Variants in ARSJ observed in about 807,000 individuals in gnomAD.
The protein encoded by ARSJ is arylsulfatase family member J, also known as arylsulfatase J.
ARSJ carries 26 observed loss-of-function variants against 35.9 expected under a neutral mutation model. The ratio of observed to expected loss-of-function variants is 0.72; its 90% CI spans 0.53 to 1.00. ARSJ has a LOEUF of 1.00. Among genes scored for constraint, ARSJ ranks in the 50% least tolerant of loss-of-function variants. The pLI is 0.00. For synonymous variants in ARSJ, 294 were observed against 267.6 expected, an observed-to-expected ratio of 1.10 and a Z score of -0.96; for missense variants, 667 against 723.6, an observed-to-expected ratio of 0.92 and a Z score of 0.90.
intron 1 of ARSJ, among the ~76,000 whole-genome samples, chr4:113,915,378 G>A (rs1184827591): frequency 6.6e-6 from 1 of 152,094 alleles, no homozygotes; most frequent in Non-Finnish European, 1.5e-5. Context: ...ATATTCTGAA[G>A]TGAACTTTAT....
At chr4:113,971,843 A>T (rs1727267790) in intron 1 of ARSJ, among the ~76,000 whole-genome samples, 2 of 152,220 alleles carry the variant, frequency 1.3e-5, no homozygotes, top group South Asian at 4.1e-4. Flanking sequence ...AAAGAAGTGG[A>T]TGGAAGAGGA....
chr4:113,950,284 C>T (rs1054929163), intron 1 of ARSJ, among the ~76,000 whole-genome samples: 5 of 152,068 alleles, frequency 3.3e-5, no homozygotes, highest in Non-Finnish European at 7.4e-5. Flanking sequence ...TAGTCCTATT[C>T]TAACCCTCCC....
At chr4:113,959,792 G>C (rs1243061317) in intron 1 of ARSJ, among the ~76,000 whole-genome samples, 2 of 151,980 alleles carry the variant, frequency 1.3e-5, no homozygotes, top group Non-Finnish European at 2.9e-5. Flanking sequence ...ATGGAATTTG[G>C]TTTCTGAAAA....
intron 1 of ARSJ, among the ~76,000 whole-genome samples, chr4:113,935,020 C>T (rs888255941): frequency 6.6e-6 from 1 of 151,702 alleles, no homozygotes; most frequent in Non-Finnish European, 1.5e-5. Flanking sequence ...CCGATTTAGC[C>T]TAAAGTATAT....
chr4:113,915,156 C>T (rs7664471), intron 1 of ARSJ, among the ~76,000 whole-genome samples: 107,448 of 151,950 alleles, frequency 0.71, 38,805 homozygotes, highest in East Asian at 0.81. Context: ...TATTAGATAT[C>T]TTTCCCTAAA....
intron 1 of ARSJ, among the ~76,000 whole-genome samples, chr4:113,926,366 A>G (rs184628650): frequency 1.3e-5 from 2 of 152,246 alleles, no homozygotes; most frequent in Non-Finnish European, 2.9e-5. Context: ...ATTTCTGCCC[A>G]CTGGAAGATT....
chr4:113,929,070 C>T (rs1401214488), intron 1 of ARSJ, among the ~76,000 whole-genome samples: 1 of 152,054 alleles, frequency 6.6e-6, no homozygotes, highest in African/African-American at 2.4e-5. Context: ...CTTAGTGGGC[C>T]CAAATCAAGA....
intron 1 of ARSJ, among the ~76,000 whole-genome samples, chr4:113,929,348 C>G (rs1192207315): frequency 6.6e-6 from 1 of 152,076 alleles, no homozygotes; most frequent in Non-Finnish European, 1.5e-5. Flanking sequence ...GCAACTGCCT[C>G]AGGGGAGGCC....
At chr4:113,906,259 A>G (rs1033937382) in intron 1 of ARSJ, among the ~76,000 whole-genome samples, 1 of 152,188 alleles carries the variant, frequency 6.6e-6, no homozygotes, top group Non-Finnish European at 1.5e-5. Context: ...CAAATGGTAA[A>G]CCAGTTAAGC....
intron 1 of ARSJ, among the ~76,000 whole-genome samples, chr4:113,973,026 C>A (rs917859093): frequency 1.3e-5 from 2 of 152,154 alleles, no homozygotes; most frequent in Non-Finnish European, 2.9e-5. Context: ...CAGGCCTTTC[C>A]GGAACCTGAT....
intron 1 of ARSJ, among the ~76,000 whole-genome samples, chr4:113,944,895 T>C (rs1725378418): frequency 1.3e-5 from 2 of 152,232 alleles, no homozygotes; most frequent in South Asian, 4.1e-4. Flanking sequence ...TATACATATA[T>C]ATATATCCGT....
At chr4:113,933,444 A>C (rs1023882911) in intron 1 of ARSJ, among the ~76,000 whole-genome samples, 2 of 151,990 alleles carry the variant, frequency 1.3e-5, no homozygotes, top group African/African-American at 4.8e-5. Context: ...GGGATGCAAA[A>C]ATTATCAACA....
intron 1 of ARSJ, among the ~76,000 whole-genome samples, chr4:113,928,271 G>A (rs564144397): frequency 1.4e-4 from 22 of 152,218 alleles, no homozygotes; most frequent in African/African-American, 5.3e-4. Context: ...GGTCTTCTTG[G>A]GGAAGGATGG....
chr4:113,950,995 T>C (rs551061140), intron 1 of ARSJ, among the ~76,000 whole-genome samples: 13 of 152,092 alleles, frequency 8.5e-5, no homozygotes, highest in Non-Finnish European at 1.9e-4. Context: ...TAAAGGGAAA[T>C]AAATGGAAGT....
intron 1 of ARSJ, among the ~76,000 whole-genome samples, chr4:113,962,966 G>C (rs1217797405): frequency 1.3e-5 from 2 of 151,984 alleles, no homozygotes; most frequent in African/African-American, 4.8e-5. Context: ...AACACACCAG[G>C]GGTGTTCCTG....
rs191331200 is a variant in ARSJ at position 113,918,791 on chromosome 4, A to C, written c.399-15116T>G. ...GCTAATGCTGTAGTAAGATGAAAAA[A>C]TTATTATTATTATTATTTTGAGACA... On this transcript the variant is annotated intron_variant, in intron 1 of 1. Coordinates refer to ENST00000315366, the MANE Select transcript of ARSJ (RefSeq NM_024590.4). Among the ~76,000 whole-genome samples, 115 of 151,878 alleles carry C rather than the reference A, an allele frequency of 7.6e-4. No individual in the cohort carries two copies. In the Middle Eastern group the frequency reaches 0.017, roughly 22 times the overall value.
intron 1 of ARSJ, among the ~76,000 whole-genome samples, chr4:113,947,351 G>T (rs1725553707): frequency 6.6e-6 from 1 of 151,904 alleles, no homozygotes; most frequent in Non-Finnish European, 1.5e-5. Flanking sequence ...ATCTTGGCAT[G>T]CACCTGTGGT....
intron 1 of ARSJ, among the ~76,000 whole-genome samples, chr4:113,910,772 G>A (rs2099670194): frequency 6.6e-6 from 1 of 152,094 alleles, no homozygotes; most frequent in Admixed American, 6.6e-5. Context: ...CTCCTACACT[G>A]TGCTAGCTTT....
chr4:113,908,816 T>C (rs1442334084), intron 1 of ARSJ, among the ~76,000 whole-genome samples: 1 of 152,220 alleles, frequency 6.6e-6, no homozygotes, highest in Non-Finnish European at 1.5e-5. Context: ...GAATTTCTTT[T>C]ATTTCTTTTT....
Sources: allele counts gnomAD v4.1 joint callset (sites outside exome capture counted in the v4.1 genomes callset), GRCh38; gene constraint gnomAD v4.1.1; transcripts MANE v1.5; gene names NCBI Gene and HGNC (gene_info 2026-07-23, HGNC 2026-07-21).